Variants in PUDP observed in about 807,000 individuals in gnomAD.
PUDP encodes the protein pseudouridine 5'-phosphatase.
Under a neutral mutation model 9.4 loss-of-function variants are expected in PUDP, and 8 were observed. That is an observed-to-expected ratio of 0.85 (90% CI 0.50 to 1.53). The LOEUF (loss-of-function observed/expected upper bound fraction) is 1.53. Ranked by LOEUF, PUDP falls within the 40% of genes most tolerant of loss-of-function variation. The pLI, the probability that PUDP is intolerant of heterozygous loss-of-function variation, is 0.00. For missense variants in PUDP, 188 were observed against 189.7 expected, an observed-to-expected ratio of 0.99 and a Z score of 0.05; for synonymous variants, 99 against 80.7, an observed-to-expected ratio of 1.23 and a Z score of -1.22.
intron 2 of PUDP, among the ~76,000 whole-genome samples, chrX:7,100,380 G>A (rs779862421): frequency 1.2e-4 from 13 of 111,241 alleles, no homozygotes; most frequent in Non-Finnish European, 2.3e-4. Context: ...CCTTGGGTTC[G>A]GCTGTCGCTC....
intron 3 of PUDP, among the ~76,000 whole-genome samples, chrX:6,954,033 G>A (rs1190562204): frequency 2.7e-5 from 3 of 110,163 alleles, no homozygotes; most frequent in Non-Finnish European, 5.7e-5. Context: ...TTTGCTCTGC[G>A]CTTCTCCTTG....
chrX:7,133,396 A>T (rs1932668109), intron 1 of PUDP, among the ~76,000 whole-genome samples: 1 of 112,134 alleles, frequency 8.9e-6, no homozygotes, highest in African/African-American at 3.2e-5. Flanking sequence ...AGGCACCAGG[A>T]GGAAAAGAAA....
intron 3 of PUDP, among the ~76,000 whole-genome samples, chrX:6,867,378 T>C (rs754489038): frequency 4.5e-5 from 5 of 111,829 alleles, no homozygotes; most frequent in African/African-American, 1.3e-4. Context: ...CTCACTTTCA[T>C]GGGGGTCACA....
intron 3 of PUDP, among the ~76,000 whole-genome samples, chrX:6,828,349 A>C (rs1184013812): frequency 9.7e-6 from 1 of 103,165 alleles, no homozygotes; most frequent in Non-Finnish European, 2.0e-5. Flanking sequence ...CAAACTTATG[A>C]CACTGTTGCT....
chrX:6,915,308 CAA>C (rs999593950), intron 3 of PUDP, among the ~76,000 whole-genome samples: 15 of 111,594 alleles, frequency 1.3e-4, no homozygotes, highest in Non-Finnish European at 2.1e-4. Context: ...CCCATATTTT[CAA>C]AAAAAGTGTA....
At chrX:6,910,187 G>A (rs1927828238) in intron 3 of PUDP, among the ~76,000 whole-genome samples, 1 of 112,242 alleles carries the variant, frequency 8.9e-6, no homozygotes. Context: ...AGTGGATGAA[G>A]TTTCCCCGTA....
At chrX:6,827,400 A>G (rs1356798724) in intron 3 of PUDP, among the ~76,000 whole-genome samples, 1 of 111,774 alleles carries the variant, frequency 8.9e-6, no homozygotes, top group Non-Finnish European at 1.9e-5. Flanking sequence ...CAATTTTGGG[A>G]GTTTAAATAC....
In PUDP at chrX:6,800,629, A is replaced by G. The variant is rs181372987; in HGVS notation, c.*248-94163T>C. Among the ~76,000 whole-genome samples, 175 of 111,969 alleles carry G rather than the reference A, an allele frequency of 1.6e-3. No individual in the cohort carries two copies. The Admixed American group carries it at 0.016, about 10-fold the overall frequency. Reference sequence around the variant, plus strand: ...GTTAGGTGAAGGATGCTCGGACAACATCGCATTAATTTCAGTGGACACTAC... The same window carrying G: ...GTTAGGTGAAGGATGCTCGGACAACGTCGCATTAATTTCAGTGGACACTAC... On this transcript the variant is annotated intron_variant and NMD_transcript_variant, in intron 3 of 3. Transcript: ENST00000655425.
chrX:7,138,323 G>A (rs1381481299), intron 1 of PUDP, among the ~76,000 whole-genome samples: 1 of 110,564 alleles, frequency 9.0e-6, no homozygotes, highest in Non-Finnish European at 1.9e-5. Flanking sequence ...TATTACCAAT[G>A]GGCACCCAGT....
At chrX:6,749,545 A>G (rs1247985736) in intron 3 of PUDP, among the ~76,000 whole-genome samples, 1 of 112,060 alleles carries the variant, frequency 8.9e-6, no homozygotes, top group African/African-American at 3.2e-5. Context: ...AACTATGCCT[A>G]CGTCAGGGAA....
At chrX:7,118,329 A>G (rs1259056606) in intron 1 of PUDP, among the ~76,000 whole-genome samples, 1 of 112,587 alleles carries the variant, frequency 8.9e-6, no homozygotes, top group Non-Finnish European at 1.9e-5. Flanking sequence ...AAAGGAAATC[A>G]AAGTTAGTGC....
intron 2 of PUDP, 22 bp downstream of exon 2, chrX:7,105,598 G>A: frequency 1.8e-6 from 2 of 1,139,421 alleles, no homozygotes; most frequent in Non-Finnish European, 2.4e-6. Context: ...ACATAACCCT[G>A]CAAACAGCGA....
intron 2 of PUDP, among the ~76,000 whole-genome samples, chrX:7,077,811 G>A (rs1187568986): frequency 1.8e-5 from 2 of 112,538 alleles, no homozygotes; most frequent in Non-Finnish European, 1.9e-5. Flanking sequence ...CCAGGGCACC[G>A]GGGAAGGCCC....
At chrX:6,798,495 A>T (rs1326112795) in intron 3 of PUDP, among the ~76,000 whole-genome samples, 3 of 111,694 alleles carry the variant, frequency 2.7e-5, no homozygotes, top group Non-Finnish European at 3.8e-5. Context: ...TCATTCTCAG[A>T]TGCCCATGTT....
intron 3 of PUDP, among the ~76,000 whole-genome samples, chrX:6,785,812 C>A (rs1602618449): frequency 9.0e-6 from 1 of 111,502 alleles, no homozygotes; most frequent in East Asian, 2.8e-4. Context: ...ACAAATTGGG[C>A]AGCATTTGTT....
At chrX:6,849,037 C>T (rs1926789609) in intron 3 of PUDP, among the ~76,000 whole-genome samples, 2 of 110,893 alleles carry the variant, frequency 1.8e-5, no homozygotes, top group Admixed American at 1.9e-4. Context: ...TGGATCAAAC[C>T]GTGGAAGGCA....
At chrX:6,832,944 T>C in intron 3 of PUDP, among the ~76,000 whole-genome samples, 1 of 109,843 alleles carries the variant, frequency 9.1e-6, no homozygotes. Context: ...TTTACTGTCA[T>C]CTCAGACTGC....
intron 1 of PUDP, among the ~76,000 whole-genome samples, chrX:7,011,254 TTTG>T (rs772340356): frequency 1.2e-3 from 131 of 112,102 alleles, no homozygotes; most frequent in Non-Finnish European, 2.0e-3. Context: ...TCCCTCCAGT[TTTG>T]TTGCTTGCAA....
At chrX:6,822,641 G>A (rs1309245460) in intron 3 of PUDP, among the ~76,000 whole-genome samples, 1 of 109,865 alleles carries the variant, frequency 9.1e-6, no homozygotes, top group African/African-American at 3.3e-5. Context: ...TGGCTAGGAT[G>A]GTCTCCATCT....
Sources: allele counts gnomAD v4.1 joint callset (sites outside exome capture counted in the v4.1 genomes callset), GRCh38; gene constraint gnomAD v4.1.1; transcripts MANE v1.5; gene names NCBI Gene and HGNC (gene_info 2026-07-23, HGNC 2026-07-21).